The following CSMD1 variants were observed in gnomAD, a reference collection of about 807,000 sequenced individuals.
CSMD1 encodes CUB and Sushi multiple domains 1, also known as CUB and sushi domain-containing protein 1.
CSMD1 carries 213 observed loss-of-function variants against 417.5 expected under a neutral mutation model. That is an observed-to-expected ratio of 0.51 (90% CI 0.46 to 0.57). The LOEUF (loss-of-function observed/expected upper bound fraction) is 0.57. Ranked by LOEUF, CSMD1 falls within the 20% of genes least tolerant of loss-of-function variation. The probability of loss-of-function intolerance (pLI) is 0.00; values close to 1 mark genes in which losing one functional copy is unlikely to be tolerated. For missense variants in CSMD1, 6,923 were observed against 4,529.7 expected (o/e 1.53, Z -15.17); for synonymous variants, 2,862 against 1,736.8 (o/e 1.65, Z -16.11).
intron 5 of CSMD1, among the ~76,000 whole-genome samples, chr8:3,796,070 C>T (rs865956037): frequency 1.3e-4 from 5 of 39,034 alleles, no homozygotes; most frequent in East Asian, 1.2e-3. Context: ...ATATATCTAT[C>T]ATAGATATAG....
chr8:2,949,825 C>T (rs534944780), intron 67 of CSMD1, among the ~76,000 whole-genome samples: 17 of 152,134 alleles, frequency 1.1e-4, no homozygotes, highest in African/African-American at 2.6e-4. Flanking sequence ...TTGCAAAGAA[C>T]GGTGTTAAGG....
At chr8:3,199,925 C>G in intron 32 of CSMD1, 116 bp from the exon 33 acceptor site, 1 of 613,304 alleles carries the variant, frequency 1.6e-6, no homozygotes, top group Non-Finnish European at 2.9e-6. Flanking sequence ...ACTTTTAAAA[C>G]ATTTTCACTT....
At chr8:3,322,140 C>G (rs1806192648) in intron 23 of CSMD1, among the ~76,000 whole-genome samples, 1 of 152,134 alleles carries the variant, frequency 6.6e-6, no homozygotes, top group Admixed American at 6.5e-5. Context: ...TTATTTTGGT[C>G]ATAATGAGTT....
chr8:4,474,735 C>T (rs1029271118), intron 2 of CSMD1, among the ~76,000 whole-genome samples: 2 of 152,148 alleles, frequency 1.3e-5, no homozygotes, highest in East Asian at 3.9e-4. Context: ...CTCTGCCATC[C>T]GGAGACAGCA....
chr8:4,076,316 C>T (rs1398413894), intron 3 of CSMD1, among the ~76,000 whole-genome samples: 1 of 152,182 alleles, frequency 6.6e-6, no homozygotes, highest in Non-Finnish European at 1.5e-5. Flanking sequence ...TTCCTGAGGC[C>T]TCCCAGCCTT....
At chr8:3,565,940 C>A (rs1308940844) in intron 10 of CSMD1, among the ~76,000 whole-genome samples, 1 of 152,146 alleles carries the variant, frequency 6.6e-6, no homozygotes, top group East Asian at 1.9e-4. Context: ...TGATGCGGAC[C>A]AATCTTCCCA....
At chr8:3,936,142 A>G (rs999416881) in intron 5 of CSMD1, among the ~76,000 whole-genome samples, 1 of 151,742 alleles carries the variant, frequency 6.6e-6, no homozygotes, top group Non-Finnish European at 1.5e-5. Flanking sequence ...AAGCTGCAGA[A>G]GATAAATTTG....
intron 1 of CSMD1, among the ~76,000 whole-genome samples, chr8:4,664,755 A>G (rs1804811157): frequency 6.6e-6 from 1 of 152,160 alleles, no homozygotes. Context: ...TATAGAGACA[A>G]TCAAATTATT....
At chr8:4,939,329 G>T (rs944473801) in intron 1 of CSMD1, among the ~76,000 whole-genome samples, 6 of 152,260 alleles carry the variant, frequency 3.9e-5, no homozygotes, top group South Asian at 4.1e-4. Context: ...TCCATATGTC[G>T]AGGCGGTATC....
chr8:4,052,798 C>T (rs1798500178), intron 3 of CSMD1, among the ~76,000 whole-genome samples: 1 of 152,106 alleles, frequency 6.6e-6, no homozygotes, highest in African/African-American at 2.4e-5. Context: ...AACCCACTTC[C>T]AGATACTCTA....
chr8:4,330,442 G>C (rs370061158), intron 3 of CSMD1, among the ~76,000 whole-genome samples: 1 of 151,910 alleles, frequency 6.6e-6, no homozygotes, highest in Non-Finnish European at 1.5e-5. Context: ...ATACAAAAAT[G>C]AACCATGCAT....
chr8:3,494,445 G>A (rs1563091844), intron 10 of CSMD1, among the ~76,000 whole-genome samples: 1 of 152,128 alleles, frequency 6.6e-6, no homozygotes, highest in Non-Finnish European at 1.5e-5. Context: ...ACCCTGGGTA[G>A]TAAGGAGAAA....
Position 4,741,048 on chromosome 8 carries a change from TTTC to T in CSMD1, c.86-103493_86-103491del, listed in dbSNP as rs573606600. Among the ~76,000 whole-genome samples the T allele has an allele frequency of 1.6e-3, 245 of 152,324 alleles. 1 individual carries two copies. The highest frequency in any genetic ancestry group is 5.7e-3 in the African/African-American group (238 of 41,564). On this transcript the variant is annotated intron_variant, in intron 1 of 69. Transcript: ENST00000635120. ...AGTCCTAGTAATTGCTTTAATCAAT[TTTC>T]TTCTTAATCCTTATGCTTTAAGGAA...
At chr8:3,881,905 A>G (rs894784826) in intron 5 of CSMD1, among the ~76,000 whole-genome samples, 11 of 152,322 alleles carry the variant, frequency 7.2e-5, no homozygotes, top group African/African-American at 2.4e-4. Context: ...ATGTTCATAC[A>G]GAAAAAGTTA....
chr8:4,450,314 A>G (rs1482974169), intron 2 of CSMD1, among the ~76,000 whole-genome samples: 1 of 152,028 alleles, frequency 6.6e-6, no homozygotes, highest in Non-Finnish European at 1.5e-5. Flanking sequence ...AACTCAGAGT[A>G]TTTTTTCTTT....
intron 21 of CSMD1, among the ~76,000 whole-genome samples, chr8:3,353,296 C>T (rs1209349934): frequency 1.3e-5 from 2 of 152,200 alleles, no homozygotes; most frequent in East Asian, 1.9e-4. Flanking sequence ...TGTCTTCTGA[C>T]TTAATTCCGT....
chr8:3,682,621 G>C (rs1391435231), intron 7 of CSMD1, among the ~76,000 whole-genome samples: 3 of 152,202 alleles, frequency 2.0e-5, no homozygotes, highest in Non-Finnish European at 4.4e-5. Context: ...AACCATTGTG[G>C]AAGACAGTGT....
At chr8:4,085,226 G>A (rs1213380504) in intron 3 of CSMD1, among the ~76,000 whole-genome samples, 1 of 152,084 alleles carries the variant, frequency 6.6e-6, no homozygotes, top group Non-Finnish European at 1.5e-5. Flanking sequence ...TGAATCATCT[G>A]ATTGATTTAG....
chr8:3,886,754 G>T (rs1310875611), intron 5 of CSMD1, among the ~76,000 whole-genome samples: 1 of 152,108 alleles, frequency 6.6e-6, no homozygotes, highest in African/African-American at 2.4e-5. Context: ...CCTATTCTCT[G>T]CAGGACACAG....
Sources: gnomAD v4.1 joint callset for allele counts (sites outside exome capture counted in the v4.1 genomes callset) on GRCh38, gnomAD v4.1.1 for gene constraint, MANE v1.5 for transcripts, NCBI Gene and HGNC (gene_info 2026-07-23, HGNC 2026-07-21) for gene names.